The following GPHN variants were observed in gnomAD, a reference collection of about 807,000 sequenced individuals.
GPHN encodes gephyrin.
Under a neutral mutation model 95.5 loss-of-function variants are expected in GPHN, and 17 were observed. The observed-to-expected ratio is 0.18, with a 90% confidence interval of 0.12 to 0.27. The LOEUF (loss-of-function observed/expected upper bound fraction) is 0.27, where lower values mean the gene tolerates loss of function less well. Among genes scored for constraint, GPHN ranks in the 10% least tolerant of loss-of-function variants. The pLI, the probability that GPHN is intolerant of heterozygous loss-of-function variation, is 1.00. For synonymous variants in GPHN, 320 were observed against 322.5 expected (o/e 0.99, Z 0.08); for missense variants, 660 against 978.1 (o/e 0.67, Z 4.34).
chr14:67,643,838 TTCC>T, the GPHN span, among the ~76,000 whole-genome samples: 1 of 125,132 alleles, frequency 8.0e-6, no homozygotes, highest in Non-Finnish European at 1.6e-5. Context: ...AGCAGGTAGA[TTCC>T]TCCTTGGGAG....
chr14:66,695,162 A>G (rs1301412091), intron 2 of GPHN, among the ~76,000 whole-genome samples: 1 of 152,160 alleles, frequency 6.6e-6, no homozygotes, highest in Non-Finnish European at 1.5e-5. Context: ...CTCTGTCTTA[A>G]AAAAATAAAT....
chr14:67,353,892 A>T, the GPHN span: 1 of 151,950 alleles, frequency 6.6e-6, no homozygotes, highest in Non-Finnish European at 1.5e-5. Flanking sequence ...GGTCTCATGA[A>T]ATCCTCCAGC....
chr14:67,409,354 G>A, the GPHN span, among the ~76,000 whole-genome samples: 1 of 152,162 alleles, frequency 6.6e-6, no homozygotes, highest in Admixed American at 6.5e-5. Flanking sequence ...ACCAGCCTGG[G>A]CAACAGAGTG....
intron 2 of GPHN, among the ~76,000 whole-genome samples, chr14:66,755,988 T>C (rs2058542388): frequency 6.6e-6 from 1 of 152,170 alleles, no homozygotes; most frequent in Non-Finnish European, 1.5e-5. Context: ...TATTTGTGCA[T>C]TTATCTGCTT....
the GPHN span, chr14:67,388,192 A>G: frequency 6.9e-7 from 1 of 1,459,196 alleles, no homozygotes; most frequent in Non-Finnish European, 9.6e-7. Context: ...GGCCCCTGAG[A>G]TCTTCAGGCC....
the GPHN span, chr14:67,392,404 T>C: frequency 6.2e-7 from 1 of 1,613,710 alleles, no homozygotes; most frequent in Non-Finnish European, 8.5e-7. Context: ...CCTTGGGGCT[T>C]ATCTTCTTTT....
intron 13 of GPHN, among the ~76,000 whole-genome samples, chr14:67,107,627 G>C (rs1227706737): frequency 6.6e-6 from 1 of 152,190 alleles, no homozygotes; most frequent in Non-Finnish European, 1.5e-5. Context: ...ATAAGGTACT[G>C]TGTAGTAGTG....
the GPHN span, among the ~76,000 whole-genome samples, chr14:67,697,187 GAGA>G: frequency 6.6e-6 from 1 of 152,220 alleles, no homozygotes; most frequent in Non-Finnish European, 1.5e-5. Flanking sequence ...TGGACTGTCA[GAGA>G]AGACCTTAAA....
chr14:67,279,665 C>A, the GPHN span: 1 of 953,780 alleles, frequency 1.0e-6, no homozygotes, highest in East Asian at 2.8e-5. Context: ...GACCAAGATC[C>A]TTTGTTTTCG....
intron 2 of GPHN, among the ~76,000 whole-genome samples, chr14:66,764,807 T>C (rs990174339): frequency 6.6e-6 from 1 of 152,096 alleles, no homozygotes; most frequent in East Asian, 1.9e-4. Flanking sequence ...TTATTGTACA[T>C]GATTAGTATT....
chr14:67,394,970 C>T, the GPHN span, among the ~76,000 whole-genome samples: 1 of 152,288 alleles, frequency 6.6e-6, no homozygotes, highest in African/African-American at 2.4e-5. Flanking sequence ...AAGGCCCTCA[C>T]CAGATGCAGC....
chr14:66,883,363 T>G lies in GPHN; in HGVS notation c.389+3330T>G, dbSNP rs945893484. 3.3e-5 allele frequency among the ~76,000 whole-genome samples: 5 copies of G among 152,050 alleles called. No individual in the cohort carries two copies. The South Asian group carries it at 1.0e-3, about 32-fold the overall frequency. ...GTTCTAAATTCTCCATTTGGTTTTTTTGTTAATGGTTTCCATTTCTCTACT... is the reference window on the plus strand; with the variant it reads ...GTTCTAAATTCTCCATTTGGTTTTTGTGTTAATGGTTTCCATTTCTCTACT... On this transcript the variant is annotated intron_variant, in intron 5 of 22. Transcript: ENST00000478722.
At chr14:66,606,327 C>A (rs1426679293) in intron 1 of GPHN, among the ~76,000 whole-genome samples, 4 of 152,032 alleles carry the variant, frequency 2.6e-5, no homozygotes, top group Non-Finnish European at 5.9e-5. Flanking sequence ...TTTCTGGGTT[C>A]TTTGTTCTGT....
At chr14:67,023,786 A>T in intron 10 of GPHN, 111 bp downstream of exon 10, 3 of 841,668 alleles carry the variant, frequency 3.6e-6, no homozygotes, top group Non-Finnish European at 6.0e-6. Context: ...TATGTGACAA[A>T]TATGAATATT....
the GPHN span, among the ~76,000 whole-genome samples, chr14:67,461,590 A>G: frequency 6.6e-6 from 1 of 152,118 alleles, no homozygotes; most frequent in African/African-American, 2.4e-5. Flanking sequence ...CTGTCATCTC[A>G]AGGATATGAA....
intron 1 of GPHN, among the ~76,000 whole-genome samples, chr14:66,557,686 A>G (rs563989737): frequency 2.6e-5 from 4 of 152,132 alleles, no homozygotes; most frequent in Non-Finnish European, 5.9e-5. Context: ...GTTACAAGAA[A>G]GGTAGTTGAG....
At chr14:67,423,868 CTT>C in the GPHN span, among the ~76,000 whole-genome samples, 1 of 152,194 alleles carries the variant, frequency 6.6e-6, no homozygotes, top group Non-Finnish European at 1.5e-5. Flanking sequence ...GAACGAAAGA[CTT>C]TTAAATCCAC....
chr14:66,740,184 A>G (rs1264597916), intron 2 of GPHN, among the ~76,000 whole-genome samples: 1 of 152,180 alleles, frequency 6.6e-6, no homozygotes, highest in East Asian at 1.9e-4. Flanking sequence ...AATCAAATAT[A>G]TGGTCAAATA....
chr14:67,398,418 C>T, the GPHN span, among the ~76,000 whole-genome samples: 2 of 152,144 alleles, frequency 1.3e-5, no homozygotes, highest in Admixed American at 6.5e-5. Context: ...TCTCCATGTT[C>T]ACCTGACTAT....
Sources: gnomAD v4.1 joint callset for allele counts (sites outside exome capture counted in the v4.1 genomes callset) on GRCh38, gnomAD v4.1.1 for gene constraint, MANE v1.5 for transcripts, NCBI Gene and HGNC (gene_info 2026-07-23, HGNC 2026-07-21) for gene names.